SIM2: variants seen among roughly 807,000 people sequenced by gnomAD.
SIM2 encodes single-minded homolog 2.
SIM2 carries 28 observed loss-of-function variants against 64.8 expected under a neutral mutation model. The ratio of observed to expected loss-of-function variants is 0.43; its 90% CI spans 0.32 to 0.59. The LOEUF is 0.59. Among genes scored for constraint, SIM2 ranks in the 20% least tolerant of loss-of-function variants. The pLI, the probability that SIM2 is intolerant of heterozygous loss-of-function variation, is 0.07. For synonymous variants in SIM2, 408 were observed against 391.1 expected (o/e 1.04, Z -0.51); for missense variants, 847 against 871.4 (o/e 0.97, Z 0.35).
chr21:36,741,606 C>T (rs2123499708), intron 7 of SIM2, 111 bp from the exon 8 acceptor site: 3 of 1,290,798 alleles, frequency 2.3e-6, no homozygotes, highest in East Asian at 2.4e-5. Context: ...AGCCCGCCCC[C>T]TTTGTCAAGT....
At chr21:36,721,044 G>A (rs1265665352) in intron 4 of SIM2, among the ~76,000 whole-genome samples, 6 of 152,180 alleles carry the variant, frequency 3.9e-5, no homozygotes, top group Admixed American at 6.5e-5. Context: ...GGTCATTCTC[G>A]GGCTGGGAAG....
intron 7 of SIM2, among the ~76,000 whole-genome samples, 177 bp from the exon 8 acceptor site, chr21:36,741,540 C>CGT (rs112124266): frequency 0.029 from 4,352 of 152,116 alleles, 197 homozygotes; most frequent in African/African-American, 0.099. Flanking sequence ...TATATGCACG[C>CGT]GTGTGTGTGT....
chr21:36,733,693 G>A (rs971827990), intron 7 of SIM2, among the ~76,000 whole-genome samples: 1 of 151,816 alleles, frequency 6.6e-6, no homozygotes, highest in Non-Finnish European at 1.5e-5. Flanking sequence ...CCAAGTAGCT[G>A]GGACTACAGG....
chr21:36,701,749 C>T (rs2088501321), intron 1 of SIM2, among the ~76,000 whole-genome samples: 1 of 152,214 alleles, frequency 6.6e-6, no homozygotes, highest in Non-Finnish European at 1.5e-5. Context: ...GATTCCACTC[C>T]GGTTGATGTT....
At chr21:36,743,196 GC>G (rs2089185977) in intron 8 of SIM2, among the ~76,000 whole-genome samples, 190 bp from the exon 9 acceptor site, 1 of 152,204 alleles carries the variant, frequency 6.6e-6, no homozygotes, top group South Asian at 2.1e-4. Context: ...TCCTGGGGTG[GC>G]CCAGCCTGGG....
intron 3 of SIM2, among the ~76,000 whole-genome samples, chr21:36,719,568 C>T (rs1186279376): frequency 1.3e-5 from 2 of 152,228 alleles, no homozygotes; most frequent in Admixed American, 1.3e-4. Flanking sequence ...CTGGTCCTTC[C>T]TGCTAAGGGT....
chr21:36,748,526 C>G lies in SIM2; in HGVS notation c.*434C>G, dbSNP rs1302260805. 1 of 152,350 alleles carries G rather than the reference C, an allele frequency of 6.6e-6. No homozygotes were observed. The highest frequency in any genetic ancestry group is 1.9e-4 in the East Asian group (1 of 5,204). 9.4% of individuals were successfully genotyped at this position (152,350 alleles called of 1,614,324 possible). A position where few individuals can be genotyped will look rare whatever the true frequency, so the allele number is the denominator to read the frequency against. On this transcript the variant is annotated 3_prime_UTR_variant, in exon 11 of 11. Transcript: ENST00000290399. ...GGACGGCAGACCTGGGAGGGGACGC[C>G]TGTGTCACGAGCCCTTTTAGATGCT...
intron 9 of SIM2, 60 bp from the exon 10 acceptor site, chr21:36,744,668 C>G: frequency 6.6e-7 from 1 of 1,504,758 alleles, no homozygotes; most frequent in Non-Finnish European, 8.9e-7. Flanking sequence ...CTTGCAGGGC[C>G]GGAAGGCAGC....
chr21:36,737,524 T>C (rs778268489), intron 7 of SIM2, among the ~76,000 whole-genome samples: 2 of 152,216 alleles, frequency 1.3e-5, no homozygotes, highest in Admixed American at 6.5e-5. Flanking sequence ...TCAGTAAACC[T>C]GACAGTTTGT....
chr21:36,740,942 T>C (rs1376665243), intron 7 of SIM2, among the ~76,000 whole-genome samples: 1 of 152,144 alleles, frequency 6.6e-6, no homozygotes, highest in Non-Finnish European at 1.5e-5. Flanking sequence ...AAGCTTCACC[T>C]CTCCACTGCC....
intron 4 of SIM2, among the ~76,000 whole-genome samples, chr21:36,720,979 C>T (rs1167114397): frequency 1.3e-5 from 2 of 152,126 alleles, no homozygotes; most frequent in Non-Finnish European, 2.9e-5. Context: ...TAGCTGGCTG[C>T]AGGAAAAACA....
Position 36,744,948 on chromosome 21 carries a change from C to A in SIM2, c.1388C>A (p.Ala463Asp), listed in dbSNP as rs769858094. ...VFSSKKPMLP[A>D]KFGQPQGSPC... ...AGCAGCAAAAAGCCAATGTTGCCGGCCAAGTTCGGGCAGCCCCAAGGATCC... is the reference window on the plus strand; with the variant it reads ...AGCAGCAAAAAGCCAATGTTGCCGGACAAGTTCGGGCAGCCCCAAGGATCC... Residue 463 changes from alanine (A) to aspartate (D), a missense_variant, in exon 10 of 11, where the codon GCC becomes GAC. Physicochemically the swap from Ala to Asp is moderately radical, Grantham distance 126. This residue lies in a region of SIM2 where 447 missense variants were observed against 414.6 expected (regional missense o/e 1.08). Transcript: ENST00000290399. The A allele has an allele frequency of 1.9e-6, 3 of 1,614,242 alleles. No individual in the cohort carries two copies. The highest frequency in any genetic ancestry group is 2.5e-6 in the Non-Finnish European group (3 of 1,180,046).
At chr21:36,700,486 C>G (rs557522550) in intron 1 of SIM2, among the ~76,000 whole-genome samples, 1 of 151,934 alleles carries the variant, frequency 6.6e-6, no homozygotes, top group African/African-American at 2.4e-5. Flanking sequence ...GTTTTGCTTT[C>G]TTTCTTTCCC....
rs1045028557 is a variant in SIM2, at chr21:36,745,963, A to C, written c.1576+827A>C. On this transcript the variant is annotated intron_variant, in intron 10 of 10. Transcript: ENST00000290399. The surrounding 1 kb of genome is among the most constrained non-coding windows in gnomAD (Gnocchi z 4.8). ...GACCTAACTGCCGCTCAGAGTGTAG[A>C]CCGAGATGGTGCAGATGCCTGCAGT... 6.5e-6 allele frequency: 8 copies of C among 1,226,418 alleles called. No individual in the cohort carries two copies. The African/African-American group carries it at 1.1e-4, about 17-fold the overall frequency. The allele number at this position is 1,226,418 out of a possible 1,614,324, so 76.0% of individuals were successfully genotyped here.
Position 36,704,029 on chromosome 21 carries a change from C to A in SIM2, c.175+4108C>A, listed in dbSNP as rs186189113. 2.6e-5 allele frequency among the ~76,000 whole-genome samples: 4 copies of A among 152,326 alleles called. No homozygotes were observed. The East Asian group carries it at 7.7e-4, about 29-fold the overall frequency. On this transcript the variant is annotated intron_variant, in intron 1 of 10. Coordinates refer to ENST00000290399, the MANE Select transcript of SIM2 (RefSeq NM_005069.6). Reference sequence around the variant, plus strand: ...TCTCCCCATCTCCCTTTCCCCAACCCGAAAGACCCAAGATGGGTGTGGGTG... The same window carrying A: ...TCTCCCCATCTCCCTTTCCCCAACCAGAAAGACCCAAGATGGGTGTGGGTG...
intron 3 of SIM2, among the ~76,000 whole-genome samples, chr21:36,718,367 G>C (rs2088773849): frequency 6.6e-6 from 1 of 152,150 alleles, no homozygotes; most frequent in African/African-American, 2.4e-5. Flanking sequence ...GCGTGAGGTG[G>C]CACCGTCAGG....
intron 10 of SIM2, chr21:36,746,048 G>A: frequency 9.1e-7 from 1 of 1,099,608 alleles, no homozygotes. Flanking sequence ...GGGCTCAGTG[G>A]CTCACACCTG....
chr21:36,730,039 C>G (rs555939163), intron 6 of SIM2, among the ~76,000 whole-genome samples: 1 of 152,304 alleles, frequency 6.6e-6, no homozygotes, highest in East Asian at 1.9e-4. Context: ...GGGCGTTATC[C>G]TGTCTTCTGG....
chr21:36,746,010 G>C (rs1179815904), intron 10 of SIM2: 1 of 1,176,138 alleles, frequency 8.5e-7, no homozygotes, highest in East Asian at 6.0e-5. Flanking sequence ...GTGGGTGAAG[G>C]TGACATCAGG....
Sources: gnomAD v4.1 joint callset for allele counts (sites outside exome capture counted in the v4.1 genomes callset) on GRCh38, gnomAD v4.1.1 for gene constraint, gnomAD v4.1.1 regional missense constraint, Gnocchi (gnomAD v3.1) non-coding constraint, MANE v1.5 for transcripts, NCBI Gene and HGNC (gene_info 2026-07-23, HGNC 2026-07-21) for gene names.